PRSS23: variants seen among roughly 807,000 people sequenced by gnomAD.
PRSS23 encodes protease, serine 23.
A neutral mutation model predicts 34.7 loss-of-function variants in PRSS23; 25 were observed. The observed-to-expected ratio is 0.72, with a 90% CI of 0.53 to 1.01. The LOEUF is 1.01. Ranked by LOEUF, PRSS23 falls within the 50% of genes least tolerant of loss-of-function variation. PRSS23 has a pLI of 0.00. For missense variants in PRSS23, 445 were observed against 475.6 expected (o/e 0.94, Z 0.60); for synonymous variants, 176 against 186.6 (o/e 0.94, Z 0.46).
intron 2 of PRSS23, among the ~76,000 whole-genome samples, chr11:86,824,156 A>T (rs935981353): frequency 1.3e-5 from 2 of 151,434 alleles, no homozygotes. Flanking sequence ...AAAACTTCAA[A>T]AATTAGCCGG....
In PRSS23 at chr11:86,918,418, A is replaced by T. The variant is rs967291359; in HGVS notation, c.207-32798A>T. On this transcript the variant is annotated intron_variant, in intron 2 of 2. Transcript: ENST00000533902. ...GCATTATTGTCTATGTACAGAAAGA[A>T]AGAAAGAAGTCTTCTCCCAGATATC... Among the ~76,000 whole-genome samples the T allele has an allele frequency of 3.9e-5, 6 of 152,216 alleles. No homozygotes were observed. The South Asian group carries it at 6.2e-4, about 16-fold the overall frequency.
chr11:86,822,669 T>C (rs2134875589), intron 1 of PRSS23, among the ~76,000 whole-genome samples: 1 of 150,780 alleles, frequency 6.6e-6, no homozygotes, highest in Admixed American at 6.6e-5. Flanking sequence ...GGATGATCTT[T>C]CAAGGGTGGT....
intron 2 of PRSS23, among the ~76,000 whole-genome samples, chr11:86,830,805 C>G (rs1199150889): frequency 6.6e-6 from 1 of 152,092 alleles, no homozygotes; most frequent in Non-Finnish European, 1.5e-5. Context: ...TAATATCTCA[C>G]TGGGTGTACA....
At chr11:86,852,731 A>G (rs1341908384) in intron 2 of PRSS23, among the ~76,000 whole-genome samples, 1 of 152,176 alleles carries the variant, frequency 6.6e-6, no homozygotes, top group African/African-American at 2.4e-5. Flanking sequence ...AAAGGGACCC[A>G]TTAACCAAAC....
At chr11:86,824,599 A>G (rs980594141) in intron 2 of PRSS23, among the ~76,000 whole-genome samples, 76 of 149,926 alleles carry the variant, frequency 5.1e-4, no homozygotes, top group African/African-American at 1.3e-3. Flanking sequence ...ATTTAGCATT[A>G]GGTATATCTC....
chr11:86,869,459 C>T (rs962672544), intron 2 of PRSS23, among the ~76,000 whole-genome samples: 6 of 152,062 alleles, frequency 3.9e-5, no homozygotes, highest in African/African-American at 4.8e-5. Flanking sequence ...ACATGGGCCC[C>T]GCCTTCAAGT....
chr11:86,851,856 A>G (rs1193727478), intron 2 of PRSS23, among the ~76,000 whole-genome samples: 2 of 152,156 alleles, frequency 1.3e-5, no homozygotes, highest in Non-Finnish European at 2.9e-5. Flanking sequence ...AATAGTTTAG[A>G]GGAACTCATT....
At chr11:86,904,914 G>A (rs1948932539) in intron 2 of PRSS23, among the ~76,000 whole-genome samples, 1 of 152,024 alleles carries the variant, frequency 6.6e-6, no homozygotes, top group African/African-American at 2.4e-5. Flanking sequence ...TAATTAGCAG[G>A]GCCTGGTGGT....
At chr11:86,806,112 A>G (rs1284289764) in intron 1 of PRSS23, among the ~76,000 whole-genome samples, 1 of 152,222 alleles carries the variant, frequency 6.6e-6, no homozygotes, top group Non-Finnish European at 1.5e-5. Context: ...GCATTTAAAC[A>G]TACCTTGCAG....
chr11:86,885,106 T>A (rs949786128), intron 2 of PRSS23, among the ~76,000 whole-genome samples: 2 of 152,204 alleles, frequency 1.3e-5, no homozygotes, highest in African/African-American at 4.8e-5. Context: ...TACAGTAAAG[T>A]TTGGCCTAAA....
At chr11:86,866,828 G>C (rs1455427788) in intron 2 of PRSS23, among the ~76,000 whole-genome samples, 1 of 151,420 alleles carries the variant, frequency 6.6e-6, no homozygotes, top group Non-Finnish European at 1.5e-5. Context: ...CCCATCTCTT[G>C]CTTCCTCTCT....
chr11:86,837,441 T>G (rs1309800122), intron 2 of PRSS23: 1 of 152,230 alleles, frequency 6.6e-6, no homozygotes, highest in Non-Finnish European at 1.5e-5. Flanking sequence ...AAGATATAAC[T>G]TCTGTCCCTA....
chr11:86,939,067 A>T (rs1565392582), intron 2 of PRSS23: 1 of 448,804 alleles, frequency 2.2e-6, no homozygotes, highest in Non-Finnish European at 4.5e-6. Context: ...GTTTAGCCCT[A>T]GGAGGTGGGC....
intron 2 of PRSS23, among the ~76,000 whole-genome samples, chr11:86,861,281 CT>C (rs1437508368): frequency 2.0e-5 from 3 of 151,376 alleles, no homozygotes; most frequent in Non-Finnish European, 2.9e-5. Context: ...GTCCACCCCC[CT>C]GTGATATGGT....
chr11:86,905,760 G>A (rs1948937684), intron 2 of PRSS23, among the ~76,000 whole-genome samples: 1 of 152,166 alleles, frequency 6.6e-6, no homozygotes, highest in African/African-American at 2.4e-5. Flanking sequence ...GAGTCCCCAA[G>A]GTGTGGACAC....
At chr11:86,930,700 G>A (rs1395185701) in intron 2 of PRSS23, among the ~76,000 whole-genome samples, 1 of 151,390 alleles carries the variant, frequency 6.6e-6, no homozygotes, top group African/African-American at 2.4e-5. Flanking sequence ...TGAGGCAGGA[G>A]AATGGTGTGA....
At position 86,810,817 on chromosome 11, in the gene PRSS23, C is replaced by A. The variant is rs1948170231; in HGVS notation, c.*2022C>A. The A allele has an allele frequency of 6.0e-6, 1 of 166,788 alleles. No individual in the cohort carries two copies. Among genetic ancestry groups the A allele is most frequent in the African/African-American group, 2.4e-5 (1 of 41,354 alleles). The allele number at this position is 166,788 out of a possible 1,614,324, so 10.3% of individuals were successfully genotyped here. ...GCTATATACAGCTTAACTCACAGAA[C>A]TGTAAAAGAAAATTATAAAATAATT... On this transcript the variant is annotated 3_prime_UTR_variant, in exon 2 of 2. Transcript: ENST00000280258.
chr11:86,804,968 G>C (rs1239786054), intron 1 of PRSS23, among the ~76,000 whole-genome samples: 1 of 152,140 alleles, frequency 6.6e-6, no homozygotes, highest in Non-Finnish European at 1.5e-5. Context: ...AAGAACGCTT[G>C]GCAGGTTGGA....
At chr11:86,934,981 A>G (rs966067018) in intron 2 of PRSS23, 1 of 152,266 alleles carries the variant, frequency 6.6e-6, no homozygotes, top group Non-Finnish European at 1.5e-5. Flanking sequence ...CTCAAAACAA[A>G]TAAAAATACA....
Sources: gnomAD v4.1 joint callset for allele counts (sites outside exome capture counted in the v4.1 genomes callset) on GRCh38, gnomAD v4.1.1 for gene constraint, MANE v1.5 for transcripts, NCBI Gene and HGNC (gene_info 2026-07-23, HGNC 2026-07-21) for gene names.